The following PDS5B variants were observed in gnomAD, a reference collection of about 807,000 sequenced individuals.
PDS5B encodes the protein sister chromatid cohesion protein PDS5 homolog B.
In PDS5B, 51 loss-of-function variants were observed where a neutral mutation model predicts 184.1. That is an observed-to-expected ratio of 0.28 (90% CI 0.22 to 0.35). PDS5B has a LOEUF of 0.35. PDS5B is among the 10% of genes least tolerant of loss of function. PDS5B has a pLI of 1.00. For missense variants in PDS5B, 1,180 were observed against 1,723.3 expected, an observed-to-expected ratio of 0.68 and a Z score of 5.58; for synonymous variants, 566 against 569.2, an observed-to-expected ratio of 0.99 and a Z score of 0.08.
At chr13:32,743,924 C>A (rs1202406117) in intron 23 of PDS5B, among the ~76,000 whole-genome samples, 1 of 152,010 alleles carries the variant, frequency 6.6e-6, no homozygotes, top group African/African-American at 2.4e-5. Flanking sequence ...ATCAGCTCAG[C>A]CTGGTAAAGA....
At chr13:32,631,114 CTTTCTTT>C (rs1374759853) in intron 1 of PDS5B, among the ~76,000 whole-genome samples, 14 of 123,764 alleles carry the variant, frequency 1.1e-4, no homozygotes, top group South Asian at 7.6e-4. Flanking sequence ...TTCTTTTTTT[CTTTCTTT>C]TTTTTTTTTT....
At chr13:32,709,789 G>A (rs1040888933) in intron 18 of PDS5B, among the ~76,000 whole-genome samples, 157 bp from the exon 19 acceptor site, 4 of 151,990 alleles carry the variant, frequency 2.6e-5, no homozygotes, top group African/African-American at 9.7e-5. Flanking sequence ...ACATAGTTGA[G>A]TATGTTTTAA....
chr13:32,629,898 A>G (rs1032949579), intron 1 of PDS5B, among the ~76,000 whole-genome samples: 6 of 152,184 alleles, frequency 3.9e-5, no homozygotes, highest in African/African-American at 1.4e-4. Context: ...AGAGTTGATG[A>G]TTTTCCAAAA....
At chr13:32,663,496 GAC>G (rs1473629089) in intron 6 of PDS5B, among the ~76,000 whole-genome samples, 3 of 152,158 alleles carry the variant, frequency 2.0e-5, no homozygotes, top group Non-Finnish European at 2.9e-5. Context: ...CAAAGAGAAA[GAC>G]AAATTTTAAT....
intron 33 of PDS5B, 25 bp from the exon 34 acceptor site, chr13:32,773,164 G>T: frequency 6.4e-7 from 1 of 1,566,006 alleles, no homozygotes; most frequent in Non-Finnish European, 8.6e-7. Context: ...AACGTTCATT[G>T]TGTTTTACAT....
chr13:32,735,716 TACATTGGGAGAGAACGAAAAA>T (rs1366863884), intron 21 of PDS5B, among the ~76,000 whole-genome samples: 1 of 152,184 alleles, frequency 6.6e-6, no homozygotes, highest in Non-Finnish European at 1.5e-5. Flanking sequence ...TTCTTTTCCC[TACATTGGGAGAGAACGAAAAA>T]ACATTGGGAG....
At chr13:32,712,395 A>G (rs182242121) in intron 19 of PDS5B, among the ~76,000 whole-genome samples, 7 of 152,362 alleles carry the variant, frequency 4.6e-5, no homozygotes. Flanking sequence ...GAAATAACTC[A>G]TAATAATTTC....
intron 1 of PDS5B, among the ~76,000 whole-genome samples, chr13:32,591,359 C>T (rs948021803): frequency 2.0e-5 from 3 of 152,036 alleles, no homozygotes; most frequent in South Asian, 2.1e-4. Context: ...CCTCGTGATC[C>T]GCCCGCCTCG....
In PDS5B at chr13:32,742,797, G is replaced by T. The variant is rs1183983707; in HGVS notation, c.2612+70G>T. ...CAGCTCTTGGTGTAACTGTTCAATG[G>T]TGCTGTTTCTTTTTCTTTTTTTTTT... On this transcript the variant is annotated intron_variant, in intron 23 of 34. Coordinates refer to ENST00000315596, the MANE Select transcript of PDS5B (RefSeq NM_015032.4). 10 of 1,334,592 alleles carry T rather than the reference G, an allele frequency of 7.5e-6. No individual in the cohort carries two copies. In the East Asian group the frequency reaches 2.3e-4, roughly 31 times the overall value. 82.7% of individuals were successfully genotyped at this position (1,334,592 alleles called of 1,614,324 possible). A position where few individuals can be genotyped will look rare whatever the true frequency, so the allele number is the denominator to read the frequency against.
intron 21 of PDS5B, among the ~76,000 whole-genome samples, chr13:32,736,622 G>GCT (rs934249504): frequency 6.6e-6 from 1 of 151,960 alleles, no homozygotes; most frequent in African/African-American, 2.4e-5. Context: ...GGGGCTTAGA[G>GCT]CTCTTCTTGT....
At chr13:32,659,798 T>C (rs562219595) in intron 6 of PDS5B, among the ~76,000 whole-genome samples, 100 of 152,146 alleles carry the variant, frequency 6.6e-4, no homozygotes, top group Non-Finnish European at 1.1e-3. Flanking sequence ...CAGTTAGAAA[T>C]ACGGTTCTGT....
chr13:32,775,370 G>T lies in PDS5B; in HGVS notation c.*318G>T, dbSNP rs1371325672. Reference sequence around the variant, plus strand: ...AAGTGCTTGTATAGCTTTTATCTGCGGCTTTAAACTGACAGTACCCGACTG... The same window carrying T: ...AAGTGCTTGTATAGCTTTTATCTGCTGCTTTAAACTGACAGTACCCGACTG... On this transcript the variant is annotated 3_prime_UTR_variant, in exon 35 of 35. Coordinates refer to ENST00000315596, the MANE Select transcript of PDS5B (RefSeq NM_015032.4). 3 of 335,502 alleles carry T rather than the reference G, an allele frequency of 8.9e-6. No homozygotes were observed. The highest frequency in any genetic ancestry group is 1.7e-5 in the Non-Finnish European group (3 of 180,150). The allele number at this position is 335,502 out of a possible 1,614,324, so 20.8% of individuals were successfully genotyped here. A position where few individuals can be genotyped will look rare whatever the true frequency, so the allele number is the denominator to read the frequency against.
At chr13:32,631,257 A>G (rs151333369) in intron 1 of PDS5B, among the ~76,000 whole-genome samples, 55 of 145,072 alleles carry the variant, frequency 3.8e-4, no homozygotes, top group African/African-American at 1.2e-3. Context: ...GTTGGGACTA[A>G]TTTTTTTGTA....
rs565823790 is a variant in PDS5B, at chr13:32,671,895, A to G, written c.706-1321A>G. Among the ~76,000 whole-genome samples the G allele has an allele frequency of 1.1e-3, 160 of 152,330 alleles. 2 individuals are homozygous for G. The highest frequency in any genetic ancestry group is 1.7e-3 in the South Asian group (8 of 4,826). On this transcript the variant is annotated intron_variant, in intron 7 of 34. Transcript: ENST00000315596. ...AGACTCAGGAAACCATTGAGGATACATGGCAGGGTATGCTTTTGGTTAATT... is the reference window on the plus strand; with the variant it reads ...AGACTCAGGAAACCATTGAGGATACGTGGCAGGGTATGCTTTTGGTTAATT...
At chr13:32,755,811 TTTTTG>T in intron 25 of PDS5B, 26 bp from the exon 26 acceptor site, 2 of 1,077,428 alleles carry the variant, frequency 1.9e-6, no homozygotes, top group Non-Finnish European at 2.7e-6. Flanking sequence ...CTTTTGTTTT[TTTTTG>T]TTTGTTTGTT....
chr13:32,604,817 C>G (rs1423937623), intron 1 of PDS5B, among the ~76,000 whole-genome samples: 5 of 152,064 alleles, frequency 3.3e-5, no homozygotes, highest in Admixed American at 1.3e-4. Flanking sequence ...TGTATGTGTC[C>G]AGGAATTTAT....
At chr13:32,597,843 CAAA>C (rs779825923) in intron 1 of PDS5B, among the ~76,000 whole-genome samples, 6 of 84,128 alleles carry the variant, frequency 7.1e-5, no homozygotes, top group Admixed American at 1.3e-4. Context: ...GACTCTGTCT[CAAA>C]AAAAAAAAAA....
chr13:32,690,016 T>G (rs1177305547), intron 13 of PDS5B: 1 of 151,646 alleles, frequency 6.6e-6, no homozygotes, highest in Non-Finnish European at 1.5e-5. Flanking sequence ...TTGAAAAAAT[T>G]ACTAAAGAAT....
chr13:32,623,603 T>C (rs1300086357), intron 1 of PDS5B, among the ~76,000 whole-genome samples: 1 of 152,186 alleles, frequency 6.6e-6, no homozygotes, highest in African/African-American at 2.4e-5. Flanking sequence ...TATGTTAGAT[T>C]TCTCTCACTG....
Sources: allele counts gnomAD v4.1 joint callset (sites outside exome capture counted in the v4.1 genomes callset), GRCh38; gene constraint gnomAD v4.1.1; transcripts MANE v1.5; gene names NCBI Gene and HGNC (gene_info 2026-07-23, HGNC 2026-07-21).